NUBPL: variants seen among roughly 807,000 people sequenced by gnomAD.
The protein encoded by NUBPL is iron-sulfur cluster transfer protein NUBPL.
In NUBPL, 31 loss-of-function variants were observed where a neutral mutation model predicts 45.7. The observed-to-expected ratio is 0.68, with a 90% confidence interval of 0.51 to 0.92. The LOEUF (loss-of-function observed/expected upper bound fraction) is 0.92. Among genes scored for constraint, NUBPL ranks in the 40% least tolerant of loss-of-function variants. NUBPL has a pLI of 0.00. For synonymous variants in NUBPL, 144 were observed against 140.9 expected, an observed-to-expected ratio of 1.02 and a Z score of -0.15; for missense variants, 401 against 398.7, an observed-to-expected ratio of 1.01 and a Z score of -0.05.
chr14:31,822,416 G>C (rs1341330464), intron 7 of NUBPL, among the ~76,000 whole-genome samples: 2 of 152,020 alleles, frequency 1.3e-5, no homozygotes, highest in Non-Finnish European at 2.9e-5. Context: ...TGTTGTTTAT[G>C]CATTATTTTC....
At chr14:31,762,775 A>C (rs986749134) in intron 6 of NUBPL, among the ~76,000 whole-genome samples, 2 of 133,030 alleles carry the variant, frequency 1.5e-5, no homozygotes, top group Admixed American at 7.4e-5. Context: ...CAAGAATACC[A>C]GTTAGTCTTT....
intron 4 of NUBPL, among the ~76,000 whole-genome samples, chr14:31,615,996 G>A (rs1010848559): frequency 5.9e-5 from 9 of 152,298 alleles, no homozygotes; most frequent in Non-Finnish European, 1.3e-4. Flanking sequence ...TCTAACTGGC[G>A]TGAGATGATA....
At chr14:31,819,479 A>G (rs569320684) in intron 7 of NUBPL, among the ~76,000 whole-genome samples, 1 of 152,306 alleles carries the variant, frequency 6.6e-6, no homozygotes, top group African/African-American at 2.4e-5. Flanking sequence ...CAATCAAGCA[A>G]GAGAATTAGA....
chr14:31,732,500 T>A (rs1241019973), intron 6 of NUBPL, among the ~76,000 whole-genome samples: 1 of 152,202 alleles, frequency 6.6e-6, no homozygotes, highest in South Asian at 2.1e-4. Context: ...ATTCTGTGTA[T>A]GAGAGAGAGA....
At chr14:31,826,410 C>T (rs2040104617) in intron 7 of NUBPL, among the ~76,000 whole-genome samples, 1 of 152,104 alleles carries the variant, frequency 6.6e-6, no homozygotes, top group South Asian at 2.1e-4. Context: ...TGTGAGCCAC[C>T]GTGCCCGGCC....
At chr14:31,858,977 C>G (rs374590263) in intron 10 of NUBPL, 141 bp from the exon 11 acceptor site, 18 of 712,710 alleles carry the variant, frequency 2.5e-5, no homozygotes, top group East Asian at 8.2e-5. Flanking sequence ...ATATACAGCA[C>G]TATCTTCTCA....
At chr14:31,623,759 G>T (rs76072254) in intron 4 of NUBPL, among the ~76,000 whole-genome samples, 1,744 of 152,208 alleles carry the variant, frequency 0.011, 13 homozygotes, top group Non-Finnish European at 0.02. Flanking sequence ...GGACTAATAC[G>T]TATGGCAATC....
intron 6 of NUBPL, among the ~76,000 whole-genome samples, chr14:31,778,138 A>G (rs1437354920): frequency 6.6e-6 from 1 of 152,210 alleles, no homozygotes; most frequent in Non-Finnish European, 1.5e-5. Flanking sequence ...GGAGGCGTAG[A>G]ATTAGTGAAA....
intron 6 of NUBPL, among the ~76,000 whole-genome samples, chr14:31,738,030 A>G (rs1211724578): frequency 6.6e-6 from 1 of 152,196 alleles, no homozygotes; most frequent in Admixed American, 6.5e-5. Flanking sequence ...TTGCATGATA[A>G]CCTTCATATT....
rs559248461 is a variant in NUBPL, at chr14:31,658,611, C to G, written c.383-14744C>G. 5.3e-4 allele frequency among the ~76,000 whole-genome samples: 81 copies of G among 151,666 alleles called. 2 individuals are homozygous for G. Among genetic ancestry groups the G allele is most frequent in the Admixed American group, 4.4e-3 (67 of 15,216 alleles). On this transcript the variant is annotated intron_variant, in intron 4 of 10. Transcript: ENST00000281081. ...CACTGCAGCCTCCACCTTCTGGGTT[C>G]AAGTGATTCTCCCACCTCAGCCTCC... is the stretch of plus-strand genomic sequence containing the variant.
intron 6 of NUBPL, among the ~76,000 whole-genome samples, chr14:31,723,998 G>C (rs2037867031): frequency 6.6e-6 from 1 of 152,192 alleles, no homozygotes; most frequent in South Asian, 2.1e-4. Flanking sequence ...GGAGTGGTGA[G>C]AGAGGGCATC....
At chr14:31,713,160 A>G (rs763436557) in intron 6 of NUBPL, among the ~76,000 whole-genome samples, 27 of 152,180 alleles carry the variant, frequency 1.8e-4, no homozygotes, top group Non-Finnish European at 3.5e-4. Context: ...GTCAATTTCT[A>G]TATTTATTTT....
At chr14:31,671,014 C>A (rs1349225873) in intron 4 of NUBPL, among the ~76,000 whole-genome samples, 1 of 152,118 alleles carries the variant, frequency 6.6e-6, no homozygotes, top group African/African-American at 2.4e-5. Context: ...TGAAGAATGT[C>A]ATTGGTAGAT....
intron 3 of NUBPL, among the ~76,000 whole-genome samples, chr14:31,568,721 A>G (rs1291140807): frequency 6.6e-6 from 1 of 152,264 alleles, no homozygotes; most frequent in African/African-American, 2.4e-5. Flanking sequence ...CAAAGTTGAT[A>G]TACTAGAGTG....
At chr14:31,730,463 C>CTTT (rs1219334725) in intron 6 of NUBPL, among the ~76,000 whole-genome samples, 12 of 137,868 alleles carry the variant, frequency 8.7e-5, no homozygotes, top group African/African-American at 1.6e-4. Context: ...ATCAAGTAAT[C>CTTT]TTTTTTTTTT....
At chr14:31,563,567 T>C (rs1220798555) in intron 2 of NUBPL, among the ~76,000 whole-genome samples, 1 of 152,234 alleles carries the variant, frequency 6.6e-6, no homozygotes, top group East Asian at 1.9e-4. Context: ...AAAAATAGGT[T>C]ATTTTTATGT....
At chr14:31,850,278 T>A in intron 10 of NUBPL, 77 bp downstream of exon 10, 1 of 1,141,768 alleles carries the variant, frequency 8.8e-7, no homozygotes, top group Non-Finnish European at 1.3e-6. Flanking sequence ...TTGGGAAGAT[T>A]AAGCGTTTAT....
chr14:31,822,643 C>T (rs1265405763), intron 7 of NUBPL, among the ~76,000 whole-genome samples: 1 of 151,886 alleles, frequency 6.6e-6, no homozygotes, highest in Non-Finnish European at 1.5e-5. Flanking sequence ...AGGACTTAAT[C>T]ATTAATTAAG....
chr14:31,643,890 A>G (rs934797569), intron 4 of NUBPL, among the ~76,000 whole-genome samples: 9 of 151,926 alleles, frequency 5.9e-5, no homozygotes, highest in African/African-American at 2.2e-4. Flanking sequence ...TGTGTCCAGC[A>G]ATTTATCCGT....
Sources: allele counts gnomAD v4.1 joint callset (sites outside exome capture counted in the v4.1 genomes callset), GRCh38; gene constraint gnomAD v4.1.1; transcripts MANE v1.5; gene names NCBI Gene and HGNC (gene_info 2026-07-23, HGNC 2026-07-21).